ZBBX: variants seen among roughly 807,000 people sequenced by gnomAD.
The protein encoded by ZBBX is zinc finger B-box domain-containing protein 1.
In ZBBX, 101 loss-of-function variants were observed where a neutral mutation model predicts 108.5. The ratio of observed to expected loss-of-function variants is 0.93; its 90% CI spans 0.79 to 1.10. The LOEUF (loss-of-function observed/expected upper bound fraction) is 1.10. Ranked by LOEUF, ZBBX falls within the 50% of genes least tolerant of loss-of-function variation. The pLI is 0.00. For synonymous variants in ZBBX, 356 were observed against 323.4 expected, an observed-to-expected ratio of 1.10 and a Z score of -1.08; for missense variants, 1,009 against 941.4, an observed-to-expected ratio of 1.07 and a Z score of -0.94.
intron 20 of ZBBX, among the ~76,000 whole-genome samples, chr3:167,262,301 TC>T (rs1724688623): frequency 6.6e-6 from 1 of 152,200 alleles, no homozygotes; most frequent in South Asian, 2.1e-4. Flanking sequence ...TTGCAGTCCA[TC>T]TGGAACTAAA....
the ZBBX span, among the ~76,000 whole-genome samples, chr3:167,208,401 A>G: frequency 4.6e-5 from 7 of 152,170 alleles, no homozygotes; most frequent in Non-Finnish European, 1.0e-4. Flanking sequence ...TCCAGAAAAG[A>G]GTCCTTCCCT....
At chr3:167,195,975 G>T in the ZBBX span, among the ~76,000 whole-genome samples, 1 of 152,088 alleles carries the variant, frequency 6.6e-6, no homozygotes, top group Non-Finnish European at 1.5e-5. Context: ...GCAATATTTG[G>T]GGTATATCTG....
intron 20 of ZBBX, among the ~76,000 whole-genome samples, chr3:167,246,503 T>C (rs1386573810): frequency 6.6e-6 from 1 of 152,208 alleles, no homozygotes; most frequent in Non-Finnish European, 1.5e-5. Flanking sequence ...ATTTTTATTA[T>C]TTCTTATGTA....
chr3:167,298,189 C>G, intron 18 of ZBBX, 116 bp downstream of exon 18: 1 of 754,180 alleles, frequency 1.3e-6, no homozygotes. Context: ...GCAACTAATA[C>G]AAGGTTAATA....
Position 167,240,026 on chromosome 3 carries a change from A to G in ZBBX, c.*767T>C, listed in dbSNP as rs60146234. ...TCAGATCACATGAGAACTCATTATC[A>G]CGAGAACAGCAGCATAGGGGTAACT... On this transcript the variant is annotated 3_prime_UTR_variant, in exon 22 of 22. Transcript: ENST00000675490. Among the ~76,000 whole-genome samples, 7,756 of 152,174 alleles carry G rather than the reference A, an allele frequency of 0.051. 537 individuals are homozygous for G. The highest frequency in any genetic ancestry group is 0.15 in the African/African-American group (6,423 of 41,506).
At chr3:167,231,436 G>A in the ZBBX span, among the ~76,000 whole-genome samples, 1 of 151,712 alleles carries the variant, frequency 6.6e-6, no homozygotes, top group Non-Finnish European at 1.5e-5. Context: ...AAATAATGCT[G>A]AGACCCTGAC....
upstream of ZBBX, among the ~76,000 whole-genome samples, chr3:167,382,547 A>C (rs1048438981): frequency 2.6e-5 from 4 of 152,160 alleles, no homozygotes; most frequent in African/African-American, 9.7e-5. Flanking sequence ...AGAGATAAAA[A>C]TTACCGGCAA....
At chr3:167,327,802 T>G in intron 11 of ZBBX, 140 bp downstream of exon 11, 1 of 820,976 alleles carries the variant, frequency 1.2e-6, no homozygotes, top group Non-Finnish European at 1.8e-6. Context: ...TAATCCCAGC[T>G]ACTCAGAAGG....
chr3:167,282,987 CAA>C (rs776386986), intron 19 of ZBBX, among the ~76,000 whole-genome samples: 163 of 152,152 alleles, frequency 1.1e-3, no homozygotes, highest in South Asian at 1.9e-3. Context: ...AATATGGCAA[CAA>C]AAGAGACTAA....
At chr3:167,349,361 T>C (rs1742248662) in intron 9 of ZBBX, among the ~76,000 whole-genome samples, 1 of 152,114 alleles carries the variant, frequency 6.6e-6, no homozygotes, top group Non-Finnish European at 1.5e-5. Flanking sequence ...TTCTTATGAC[T>C]ATCTGATTGT....
chr3:167,351,266 T>C (rs1473583721), intron 8 of ZBBX, among the ~76,000 whole-genome samples: 3 of 152,124 alleles, frequency 2.0e-5, no homozygotes, highest in African/African-American at 7.2e-5. Flanking sequence ...GTACCTATGA[T>C]GGTGCCAAGC....
At chr3:167,251,886 T>A (rs1228638383) in intron 20 of ZBBX, among the ~76,000 whole-genome samples, 1 of 151,150 alleles carries the variant, frequency 6.6e-6, no homozygotes, top group African/African-American at 2.4e-5. Context: ...ATCTGCTTTC[T>A]GTCTCTTGTC....
rs1158290363 is a variant in ZBBX, at chr3:167,317,494, T to C, written c.1087A>G (p.Ser363Gly). ...QCSQNENDED[S>G]DGEETKVQHT... Reference sequence around the variant, plus strand: ...TAATCAAGTATGAACTAACCATCACTATCTTCATCGTTTTCATTTTGAGAA... The same window carrying C: ...TAATCAAGTATGAACTAACCATCACCATCTTCATCGTTTTCATTTTGAGAA... The change falls in exon 13 of 22, where the codon AGT becomes GGT. Residue 363 changes from serine (S) to glycine (G), a missense_variant. Ser to Gly is a moderately conservative substitution (Grantham distance 56). Transcript: ENST00000675490. The C allele has an allele frequency of 1.2e-6, 2 of 1,605,906 alleles. No homozygotes were observed. The highest frequency in any genetic ancestry group is 1.3e-5 in the African/African-American group (1 of 74,698).
chr3:167,271,850 C>T (rs1053261291), intron 20 of ZBBX, among the ~76,000 whole-genome samples: 3 of 152,102 alleles, frequency 2.0e-5, no homozygotes, highest in Non-Finnish European at 4.4e-5. Flanking sequence ...CTCACTGGAT[C>T]GAAGCTATTC....
In ZBBX at chr3:167,315,848, T is replaced by A. The variant is rs917181612; in HGVS notation, c.1195-19A>T. On this transcript the variant is annotated intron_variant, in intron 14 of 21. Coordinates refer to ENST00000675490, the MANE Select transcript of ZBBX (RefSeq NM_001199201.2). The stretch of plus-strand genomic sequence containing the variant: ...CATAAGTCTTATTAAATTAATGTTA[T>A]ATAATATTAGTAAGTTCATAAAAAT... 17 of 1,472,616 alleles carry A rather than the reference T, an allele frequency of 1.2e-5. No individual in the cohort carries two copies. Among genetic ancestry groups the A allele is most frequent in the Non-Finnish European group, 1.4e-5 (15 of 1,073,910 alleles). The allele number at this position is 1,472,616 out of a possible 1,614,324, so 91.2% of individuals were successfully genotyped here.
chr3:167,303,554 A>G (rs1208344557), intron 17 of ZBBX, among the ~76,000 whole-genome samples: 1 of 152,144 alleles, frequency 6.6e-6, no homozygotes, highest in Non-Finnish European at 1.5e-5. Context: ...TATATCATTC[A>G]GATGTTCATT....
chr3:167,327,202 A>T (rs1308489175), intron 11 of ZBBX, among the ~76,000 whole-genome samples: 2 of 151,850 alleles, frequency 1.3e-5, no homozygotes. Context: ...ACGCAAATCA[A>T]TTCTCCTCCT....
At chr3:167,190,862 T>C in the ZBBX span, among the ~76,000 whole-genome samples, 4 of 152,134 alleles carry the variant, frequency 2.6e-5, no homozygotes, top group African/African-American at 9.7e-5. Flanking sequence ...CTTAGGAATA[T>C]CTTGGCGCAA....
chr3:167,402,512 C>T (rs1748456502), intron 1 of ZBBX, among the ~76,000 whole-genome samples: 1 of 152,108 alleles, frequency 6.6e-6, no homozygotes, highest in Admixed American at 6.6e-5. Flanking sequence ...TCCTCTAACC[C>T]TATTTTTCTT....
Sources: gnomAD v4.1 joint callset for allele counts (sites outside exome capture counted in the v4.1 genomes callset) on GRCh38, gnomAD v4.1.1 for gene constraint, MANE v1.5 for transcripts, NCBI Gene and HGNC (gene_info 2026-07-23, HGNC 2026-07-21) for gene names.